Variants in PSMG1 observed in about 807,000 individuals in gnomAD.
PSMG1 encodes proteasome assembly chaperone 1.
In PSMG1, 23 loss-of-function variants were observed where a neutral mutation model predicts 37.2. The ratio of observed to expected loss-of-function variants is 0.62; its 90% CI spans 0.44 to 0.88. PSMG1 has a LOEUF of 0.88. PSMG1 is among the 40% of genes least tolerant of loss of function. The probability of loss-of-function intolerance (pLI) is 0.00; values close to 1 mark genes in which losing one functional copy is unlikely to be tolerated. For synonymous variants in PSMG1, 127 were observed against 128.0 expected (o/e 0.99, Z 0.05); for missense variants, 340 against 344.2 (o/e 0.99, Z 0.10).
At chr21:39,182,486 T>C (rs150785486) in intron 1 of PSMG1, among the ~76,000 whole-genome samples, 1 of 152,112 alleles carries the variant, frequency 6.6e-6, no homozygotes, top group African/African-American at 2.4e-5. Context: ...TAAACGTGAG[T>C]GAGCATGGAC....
At chr21:39,181,224 A>G (rs1344928956) in intron 2 of PSMG1, among the ~76,000 whole-genome samples, 1 of 151,950 alleles carries the variant, frequency 6.6e-6, no homozygotes, top group Non-Finnish European at 1.5e-5. Flanking sequence ...CAGCCTCAAA[A>G]TCCTGGGCTC....
Position 39,183,445 on chromosome 21 carries a change from G to T in PSMG1, c.-60C>A. The T allele has an allele frequency of 6.6e-7, 1 of 1,505,398 alleles. No individual in the cohort carries two copies. Among genetic ancestry groups the T allele is most frequent in the South Asian group, 1.3e-5 (1 of 79,954 alleles). 93.3% of individuals were successfully genotyped at this position (1,505,398 alleles called of 1,614,324 possible). A position where few individuals can be genotyped will look rare whatever the true frequency, so the allele number is the denominator to read the frequency against. ...GCCGCGGGACCGCACGCCGGCTTGC[G>T]CGAGACCACGCTCCCTCACCGCGCG... is the stretch of plus-strand genomic sequence containing the variant. On this transcript the variant is annotated 5_prime_UTR_variant, in exon 1 of 7. Transcript: ENST00000331573.
rs756889109 is a variant in PSMG1 at position 39,175,547 on chromosome 21, A to C, written c.*43T>G. On this transcript the variant is annotated 3_prime_UTR_variant, in exon 7 of 7. Coordinates refer to ENST00000331573, the MANE Select transcript of PSMG1 (RefSeq NM_003720.4). Reference sequence around the variant, plus strand: ...AAAAGAGTGCAGGCTGCTCCCCTTAAAGGAATGGACAAGTAATATACACTA... The same window carrying C: ...AAAAGAGTGCAGGCTGCTCCCCTTACAGGAATGGACAAGTAATATACACTA... 6.4e-7 allele frequency: 1 copy of C among 1,571,852 alleles called. No homozygotes were observed. Among genetic ancestry groups the C allele is most frequent in the South Asian group, 1.1e-5 (1 of 86,994 alleles).
chr21:39,178,738 CAAT>C, intron 4 of PSMG1, 91 bp from the exon 5 acceptor site: 2 of 1,166,382 alleles, frequency 1.7e-6, no homozygotes, highest in East Asian at 2.6e-5. Flanking sequence ...ACACCACAGA[CAAT>C]AATAGCATGC....
At chr21:39,179,169 C>T (rs921089643) in intron 4 of PSMG1, among the ~76,000 whole-genome samples, 1 of 152,158 alleles carries the variant, frequency 6.6e-6, no homozygotes, top group Non-Finnish European at 1.5e-5. Flanking sequence ...TCAGCAGAAG[C>T]CAAGCAGATG....
Position 39,175,528 on chromosome 21 carries a change from G to A in PSMG1, c.*62C>T. 6.5e-7 allele frequency: 1 copy of A among 1,538,222 alleles called. No homozygotes were observed. The highest frequency in any genetic ancestry group is 1.2e-5 in the South Asian group (1 of 80,538). ...TCCCCCAAAAGTAATCTACAAAAGA[G>A]TGCAGGCTGCTCCCCTTAAAGGAAT... On this transcript the variant is annotated 3_prime_UTR_variant, in exon 7 of 7. Transcript: ENST00000331573.
upstream of PSMG1, chr21:39,183,463 A>G: frequency 3.4e-6 from 5 of 1,465,256 alleles, no homozygotes; most frequent in Non-Finnish European, 4.5e-6. Flanking sequence ...ACGCTCCCTC[A>G]CCGCGCGGGC....
At chr21:39,179,107 G>A (rs1358682049) in intron 4 of PSMG1, among the ~76,000 whole-genome samples, 1 of 152,076 alleles carries the variant, frequency 6.6e-6, no homozygotes, top group Non-Finnish European at 1.5e-5. Context: ...CTCGCCATGT[G>A]ATCTGCCTGC....
intron 1 of PSMG1, among the ~76,000 whole-genome samples, chr21:39,182,123 A>T (rs2030850556): frequency 6.6e-6 from 1 of 152,240 alleles, no homozygotes; most frequent in African/African-American, 2.4e-5. Flanking sequence ...AACCAATCTT[A>T]GCATCCCTAA....
Position 39,180,903 on chromosome 21 carries a change from A to C in PSMG1, c.242-467T>G, listed in dbSNP as rs192742104. Among the ~76,000 whole-genome samples the C allele has an allele frequency of 1.2e-4, 18 of 152,332 alleles. No homozygotes were observed. In the East Asian group the frequency reaches 3.1e-3, roughly 26 times the overall value. ...TCTATGTGTGTATTTGTAAATGTAC[A>C]TTGTCCTAGCTGCACTCTACACTGT... On this transcript the variant is annotated intron_variant, in intron 2 of 6. Coordinates refer to ENST00000331573, the MANE Select transcript of PSMG1 (RefSeq NM_003720.4).
chr21:39,177,743 G>A (rs1044147194), intron 5 of PSMG1, among the ~76,000 whole-genome samples, 172 bp from the exon 6 acceptor site: 2 of 152,124 alleles, frequency 1.3e-5, no homozygotes, highest in Admixed American at 6.5e-5. Flanking sequence ...TTCTTTCAAA[G>A]TCAATTTATT....
intron 4 of PSMG1, 24 bp from the exon 5 acceptor site, chr21:39,178,671 TA>T (rs533441974): frequency 3.8e-6 from 6 of 1,580,106 alleles, no homozygotes; most frequent in South Asian, 2.3e-5. Flanking sequence ...TATTTCAAAT[TA>T]AAAAAAACAT....
intron 6 of PSMG1, among the ~76,000 whole-genome samples, chr21:39,176,729 C>T (rs1031949333): frequency 1.3e-5 from 2 of 152,180 alleles, no homozygotes; most frequent in Admixed American, 6.5e-5. Context: ...TTTATGAGAC[C>T]TGGGAAATGA....
chr21:39,175,421 G>C lies in PSMG1; in HGVS notation c.*169C>G. On this transcript the variant is annotated 3_prime_UTR_variant, in exon 7 of 7. Transcript: ENST00000331573. Reference sequence around the variant, plus strand: ...AAAATGCTTGGCTTATTTTGGTTGTGAATAATACCACCATAAATAAGGAAT... The same window carrying C: ...AAAATGCTTGGCTTATTTTGGTTGTCAATAATACCACCATAAATAAGGAAT... 5.5e-6 allele frequency: 6 copies of C among 1,083,630 alleles called. No homozygotes were observed. Among genetic ancestry groups the C allele is most frequent in the Non-Finnish European group, 7.1e-6 (6 of 841,566 alleles). The allele number at this position is 1,083,630 out of a possible 1,614,324, so 67.1% of individuals were successfully genotyped here.
At chr21:39,181,407 G>A (rs2030823220) in intron 2 of PSMG1, among the ~76,000 whole-genome samples, 1 of 151,760 alleles carries the variant, frequency 6.6e-6, no homozygotes, top group South Asian at 2.1e-4. Flanking sequence ...AAGAGCTGGG[G>A]TTACAGATGT....
At chr21:39,180,904 T>C (rs1018729418) in intron 2 of PSMG1, among the ~76,000 whole-genome samples, 7 of 152,196 alleles carry the variant, frequency 4.6e-5, no homozygotes, top group African/African-American at 1.4e-4. Flanking sequence ...TAAATGTACA[T>C]TGTCCTAGCT....
In PSMG1 at chr21:39,183,421, CCGCGGGACCGCACGCCGGCTTG is replaced by C; in HGVS notation, c.-58_-37del. On this transcript the variant is annotated 5_prime_UTR_variant, in exon 1 of 7. Transcript: ENST00000331573. ...TGACCGGCTGGACACAACTGCAGCG[CCGCGGGACCGCACGCCGGCTTG>C]CGCGAGACCACGCTCCCTCACCGCG... 6.5e-7 allele frequency: 1 copy of C among 1,549,864 alleles called. No homozygotes were observed. The highest frequency in any genetic ancestry group is 1.7e-4 in the Middle Eastern group (1 of 5,932).
At chr21:39,178,715 A>G in intron 4 of PSMG1, 68 bp from the exon 5 acceptor site, 1 of 1,416,442 alleles carries the variant, frequency 7.1e-7, no homozygotes, top group Non-Finnish European at 9.7e-7. Flanking sequence ...ACATTCCTCT[A>G]GGTATTCACC....
At chr21:39,176,729 C>A (rs1031949333) in intron 6 of PSMG1, among the ~76,000 whole-genome samples, 5 of 152,180 alleles carry the variant, frequency 3.3e-5, no homozygotes, top group Non-Finnish European at 7.3e-5. Flanking sequence ...TTTATGAGAC[C>A]TGGGAAATGA....
Sources: gnomAD v4.1 joint callset for allele counts (sites outside exome capture counted in the v4.1 genomes callset) on GRCh38, gnomAD v4.1.1 for gene constraint, MANE v1.5 for transcripts, NCBI Gene and HGNC (gene_info 2026-07-23, HGNC 2026-07-21) for gene names.